SRPK2: variants seen among roughly 807,000 people sequenced by gnomAD.
SRPK2 encodes SRSF protein kinase 2.
In SRPK2, 21 loss-of-function variants were observed where a neutral mutation model predicts 90.8. The observed-to-expected ratio is 0.23, with a 90% CI of 0.16 to 0.33. The LOEUF is 0.33. Among genes scored for constraint, SRPK2 ranks in the 10% least tolerant of loss-of-function variants. SRPK2 has a pLI of 1.00. For missense variants in SRPK2, 620 were observed against 869.0 expected, an observed-to-expected ratio of 0.71 and a Z score of 3.60; for synonymous variants, 288 against 311.1, an observed-to-expected ratio of 0.93 and a Z score of 0.78.
chr7:105,147,336 G>C (rs1804791135), intron 7 of SRPK2, among the ~76,000 whole-genome samples: 2 of 151,784 alleles, frequency 1.3e-5, no homozygotes, highest in Admixed American at 1.3e-4. Context: ...TTTATTTTTT[G>C]AGACAGAGTC....
At chr7:105,162,942 C>G (rs942178799) in intron 6 of SRPK2, among the ~76,000 whole-genome samples, 4 of 152,198 alleles carry the variant, frequency 2.6e-5, no homozygotes, top group African/African-American at 7.2e-5. Context: ...AAGTCGGACA[C>G]AGAAGAAGTG....
chr7:105,309,037 C>CT (rs1311136953), intron 2 of SRPK2, among the ~76,000 whole-genome samples: 1 of 152,036 alleles, frequency 6.6e-6, no homozygotes, highest in East Asian at 1.9e-4. Context: ...GATCACTCCC[C>CT]TATAAAAATA....
intron 2 of SRPK2, among the ~76,000 whole-genome samples, chr7:105,291,132 T>C (rs1808959859): frequency 6.6e-6 from 1 of 151,594 alleles, no homozygotes; most frequent in South Asian, 2.1e-4. Context: ...ACCTATCATG[T>C]GCACCATCTG....
chr7:105,206,273 T>C, intron 2 of SRPK2: 1 of 279,256 alleles, frequency 3.6e-6, no homozygotes, highest in African/African-American at 2.2e-5. Context: ...ATTTTCTATA[T>C]ATGGCTTTAC....
chr7:105,120,499 C>T (rs1004217879), intron 15 of SRPK2, among the ~76,000 whole-genome samples: 8 of 152,102 alleles, frequency 5.3e-5, no homozygotes, highest in South Asian at 2.1e-4. Flanking sequence ...TAAAAATATT[C>T]GCAAGGAGCA....
intron 3 of SRPK2, among the ~76,000 whole-genome samples, chr7:105,183,617 G>C (rs1793178669): frequency 6.6e-6 from 1 of 152,122 alleles, no homozygotes; most frequent in Non-Finnish European, 1.5e-5. Flanking sequence ...CTCCAGAGTA[G>C]CTAGGAGTAC....
At chr7:105,300,001 T>TA (rs1328769886) in intron 2 of SRPK2, among the ~76,000 whole-genome samples, 2 of 151,998 alleles carry the variant, frequency 1.3e-5, no homozygotes, top group African/African-American at 2.4e-5. Flanking sequence ...TTAAATATAA[T>TA]AAATATTTAA....
At chr7:105,129,636 A>C (rs1801718224) in intron 13 of SRPK2, among the ~76,000 whole-genome samples, 1 of 152,100 alleles carries the variant, frequency 6.6e-6, no homozygotes. Flanking sequence ...TGGCCTCCCA[A>C]AGTGCTGGGA....
Position 105,292,497 on chromosome 7 carries a change from CAAAAAAAAAAAAAA to C in SRPK2, c.72-88726_72-88713del, listed in dbSNP as rs397889533. 4.0e-4 allele frequency among the ~76,000 whole-genome samples: 30 copies of C among 74,792 alleles called. No individual in the cohort carries two copies. The Admixed American group carries it at 4.3e-3, about 11-fold the overall frequency. 49.1% of individuals were successfully genotyped at this position (74,792 alleles called of 152,430 possible). A position where few individuals can be genotyped will look rare whatever the true frequency, so the allele number is the denominator to read the frequency against. Reference sequence around the variant, plus strand: ...AGCCTGGGCGATAGAGTAAGACTCTCAAAAAAAAAAAAAAAAAAAAAAAAAAGAGCATAATATAA... The same window carrying C: ...AGCCTGGGCGATAGAGTAAGACTCTCAAAAAAAAAAAAGAGCATAATATAA... On this transcript the variant is annotated intron_variant, in intron 2 of 15. Transcript: ENST00000393651.
At chr7:105,353,350 G>T (rs985047747) in intron 2 of SRPK2, among the ~76,000 whole-genome samples, 1 of 150,752 alleles carries the variant, frequency 6.6e-6, no homozygotes, top group African/African-American at 2.4e-5. Context: ...GTTTTTTTGT[G>T]TTTTTTTTTG....
intron 1 of SRPK2, among the ~76,000 whole-genome samples, chr7:105,396,730 GAA>G: frequency 6.7e-6 from 1 of 149,328 alleles, no homozygotes; most frequent in Admixed American, 6.7e-5. Context: ...AGGGGAGAAG[GAA>G]GAGGAGGAGG....
At chr7:105,274,765 T>C (rs577453935) in intron 2 of SRPK2, among the ~76,000 whole-genome samples, 1 of 152,286 alleles carries the variant, frequency 6.6e-6, no homozygotes, top group African/African-American at 2.4e-5. Flanking sequence ...CACTGTTACA[T>C]TTCTTCCCTG....
intron 2 of SRPK2, among the ~76,000 whole-genome samples, chr7:105,379,148 T>C (rs766109728): frequency 2.0e-5 from 3 of 149,014 alleles, no homozygotes; most frequent in Non-Finnish European, 4.5e-5. Flanking sequence ...ACCCAGTCTC[T>C]AAAAAAAAAT....
intron 2 of SRPK2, among the ~76,000 whole-genome samples, chr7:105,347,817 A>G (rs1157873831): frequency 6.6e-6 from 1 of 151,666 alleles, no homozygotes; most frequent in East Asian, 2.0e-4. Context: ...AGATGGCACC[A>G]CTACACTCCA....
intron 2 of SRPK2, among the ~76,000 whole-genome samples, chr7:105,241,329 G>C (rs1800786799): frequency 6.6e-6 from 1 of 151,908 alleles, no homozygotes; most frequent in South Asian, 2.1e-4. Flanking sequence ...TAGAGAAACT[G>C]GACTCCGGAG....
chr7:105,285,543 A>T (rs765209324), intron 2 of SRPK2, among the ~76,000 whole-genome samples: 1 of 152,192 alleles, frequency 6.6e-6, no homozygotes, highest in Non-Finnish European at 1.5e-5. Flanking sequence ...TCCTGCTGAA[A>T]TGTAATCCCC....
intron 2 of SRPK2, among the ~76,000 whole-genome samples, chr7:105,303,636 G>C (rs1810827995): frequency 6.6e-6 from 1 of 151,806 alleles, no homozygotes; most frequent in Admixed American, 6.6e-5. Flanking sequence ...GTCCATCCTG[G>C]CAGCATTATA....
chr7:105,170,046 G>C (rs1790608103), intron 3 of SRPK2, among the ~76,000 whole-genome samples: 1 of 152,004 alleles, frequency 6.6e-6, no homozygotes, highest in African/African-American at 2.4e-5. Flanking sequence ...GAACTCCTAG[G>C]CTCAAACAAT....
chr7:105,204,064 T>G (rs1795899590), intron 2 of SRPK2, among the ~76,000 whole-genome samples: 1 of 152,146 alleles, frequency 6.6e-6, no homozygotes, highest in African/African-American at 2.4e-5. Flanking sequence ...GTTAGGAAAT[T>G]TCAGTGCGCT....
Sources: gnomAD v4.1 joint callset for allele counts (sites outside exome capture counted in the v4.1 genomes callset) on GRCh38, gnomAD v4.1.1 for gene constraint, MANE v1.5 for transcripts, NCBI Gene and HGNC (gene_info 2026-07-23, HGNC 2026-07-21) for gene names.